The following ROBO2 variants were observed in gnomAD, a reference collection of about 807,000 sequenced individuals.
ROBO2 encodes the protein roundabout homolog 2.
Under a neutral mutation model 160.8 loss-of-function variants are expected in ROBO2, and 53 were observed. The ratio of observed to expected loss-of-function variants is 0.33; its 90% CI spans 0.26 to 0.41. The LOEUF is 0.41. Among genes scored for constraint, ROBO2 ranks in the 10% least tolerant of loss-of-function variants. The pLI is 1.00. For missense variants in ROBO2, 1,577 were observed against 1,722.4 expected, an observed-to-expected ratio of 0.92 and a Z score of 1.49; for synonymous variants, 664 against 611.7, an observed-to-expected ratio of 1.09 and a Z score of -1.26.
rs572127164 is a variant in ROBO2, at chr3:76,873,053, A to T, written c.110-224961A>T. On this transcript the variant is annotated intron_variant, in intron 2 of 26. Transcript: ENST00000487694. ...TACAAAAATAGAAAACAAATCTTAT[A>T]TTTCTAACTCTTACTTGACTAAAAA... 3.3e-4 allele frequency among the ~76,000 whole-genome samples: 50 copies of T among 152,260 alleles called. No individual in the cohort carries two copies. In the South Asian group the frequency reaches 0.01, roughly 31 times the overall value.
At chr3:76,299,325 G>C (rs1331747493) in intron 2 of ROBO2, among the ~76,000 whole-genome samples, 1 of 152,152 alleles carries the variant, frequency 6.6e-6, no homozygotes, top group African/African-American at 2.4e-5. Flanking sequence ...ATAAAAATCT[G>C]AGCAAACCCT....
intron 2 of ROBO2, among the ~76,000 whole-genome samples, chr3:76,609,019 A>G (rs1395484624): frequency 2.6e-5 from 4 of 152,154 alleles, no homozygotes; most frequent in African/African-American, 9.7e-5. Context: ...ACATACAGTA[A>G]TTGATTTTTC....
In ROBO2 at chr3:76,834,704, G is replaced by A. The variant is rs570804419; in HGVS notation, c.110-263310G>A. Among the ~76,000 whole-genome samples, 18 of 152,126 alleles carry A rather than the reference G, an allele frequency of 1.2e-4. 1 individual carries two copies. The highest frequency in any genetic ancestry group is 4.1e-4 in the South Asian group (2 of 4,820). The stretch of plus-strand genomic sequence containing the variant: ...TTTTTGTAGAAACATTGTCTTGCTC[G>A]TTGATCAGGCTGGTCTCTAACCCCT... On this transcript the variant is annotated intron_variant, in intron 2 of 26. Coordinates refer to the ROBO2 transcript ENST00000487694.
chr3:76,894,207 C>A (rs1433009648), intron 2 of ROBO2, among the ~76,000 whole-genome samples: 1 of 152,048 alleles, frequency 6.6e-6, no homozygotes, highest in Non-Finnish European at 1.5e-5. Flanking sequence ...TATTTCAATG[C>A]ATTTTGGATT....
At chr3:76,275,046 A>G (rs1432060539) in intron 2 of ROBO2, among the ~76,000 whole-genome samples, 2 of 152,140 alleles carry the variant, frequency 1.3e-5, no homozygotes, top group South Asian at 2.1e-4. Flanking sequence ...TATAATAAAT[A>G]ACTGCCCCAA....
chr3:76,106,835 A>G (rs1343864745), intron 2 of ROBO2, among the ~76,000 whole-genome samples: 2 of 152,114 alleles, frequency 1.3e-5, no homozygotes, highest in Non-Finnish European at 1.5e-5. Flanking sequence ...TGAATAGGGA[A>G]AATGCTAAGG....
chr3:76,338,875 TAGAA>T (rs2074051366), intron 2 of ROBO2, among the ~76,000 whole-genome samples: 1 of 152,014 alleles, frequency 6.6e-6, no homozygotes, highest in Non-Finnish European at 1.5e-5. Flanking sequence ...GAAAATATTT[TAGAA>T]AGATTCCAAG....
intron 2 of ROBO2, among the ~76,000 whole-genome samples, chr3:76,724,717 T>A (rs1269312544): frequency 2.0e-5 from 3 of 152,116 alleles, no homozygotes; most frequent in Admixed American, 1.3e-4. Flanking sequence ...CCCAAAGATA[T>A]CACACCCTAA....
chr3:76,258,691 G>A (rs1706553995), intron 2 of ROBO2, among the ~76,000 whole-genome samples: 1 of 151,948 alleles, frequency 6.6e-6, no homozygotes. Flanking sequence ...TCTAAAATGT[G>A]TAGCTTATTT....
At chr3:76,397,335 A>G (rs973665282) in intron 2 of ROBO2, among the ~76,000 whole-genome samples, 2 of 152,224 alleles carry the variant, frequency 1.3e-5, no homozygotes, top group Non-Finnish European at 2.9e-5. Context: ...AAGGTGGAAT[A>G]AAGACTTAAA....
At chr3:77,436,703 T>A (rs1319899270) in intron 2 of ROBO2, among the ~76,000 whole-genome samples, 2 of 152,014 alleles carry the variant, frequency 1.3e-5, no homozygotes, top group East Asian at 1.9e-4. Context: ...AATAATAATA[T>A]TTGGAAATCA....
In ROBO2 at chr3:76,794,263, A is replaced by G. The variant is rs114599305; in HGVS notation, c.110-303751A>G. Among the ~76,000 whole-genome samples, 580 of 152,098 alleles carry G rather than the reference A, an allele frequency of 3.8e-3. 6 individuals carry two copies. Among genetic ancestry groups the G allele is most frequent in the African/African-American group, 0.013 (535 of 41,540 alleles). ...TATATTTACGTTCTGGAAATTTTCAATGTCACATTTAACATTAATAACTGA... is the reference window on the plus strand; with the variant it reads ...TATATTTACGTTCTGGAAATTTTCAGTGTCACATTTAACATTAATAACTGA... On this transcript the variant is annotated intron_variant, in intron 2 of 26. Coordinates refer to the ROBO2 transcript ENST00000487694.
intron 2 of ROBO2, among the ~76,000 whole-genome samples, chr3:77,335,840 G>C (rs1343247326): frequency 6.6e-6 from 1 of 152,240 alleles, no homozygotes; most frequent in Non-Finnish European, 1.5e-5. Context: ...CGATAGAAGA[G>C]AGAGATATCC....
intron 2 of ROBO2, among the ~76,000 whole-genome samples, chr3:75,956,426 G>C (rs1030036462): frequency 6.6e-6 from 1 of 151,656 alleles, no homozygotes; most frequent in African/African-American, 2.4e-5. Flanking sequence ...TGTCCTGATG[G>C]CATTCCAAAG....
At chr3:75,971,883 CAG>C (rs2107365429) in intron 2 of ROBO2, among the ~76,000 whole-genome samples, 1 of 151,602 alleles carries the variant, frequency 6.6e-6, no homozygotes, top group Non-Finnish European at 1.5e-5. Context: ...ATTATATAAT[CAG>C]AGTTCCACCT....
intron 23 of ROBO2, among the ~76,000 whole-genome samples, chr3:77,625,534 T>C (rs1461125998): frequency 6.6e-6 from 1 of 152,010 alleles, no homozygotes; most frequent in East Asian, 1.9e-4. Flanking sequence ...CCCACCACCA[T>C]GCCCAGCTGA....
intron 2 of ROBO2, among the ~76,000 whole-genome samples, chr3:77,269,465 T>C (rs930695954): frequency 1.3e-5 from 2 of 152,278 alleles, no homozygotes; most frequent in Non-Finnish European, 1.5e-5. Flanking sequence ...TCTTTTGGAT[T>C]TGGCGTTCCT....
intron 22 of ROBO2, among the ~76,000 whole-genome samples, chr3:77,621,124 A>G (rs1251655181): frequency 6.6e-6 from 1 of 152,160 alleles, no homozygotes; most frequent in African/African-American, 2.4e-5. Context: ...CTTCACTTTA[A>G]TAAATTCTAA....
intron 13 of ROBO2, among the ~76,000 whole-genome samples, chr3:77,571,732 A>G (rs1295147183): frequency 6.6e-6 from 1 of 152,062 alleles, no homozygotes; most frequent in African/African-American, 2.4e-5. Flanking sequence ...TAGAATGTTA[A>G]TAAAACTCGT....
Sources: gnomAD v4.1 joint callset for allele counts (sites outside exome capture counted in the v4.1 genomes callset) on GRCh38, gnomAD v4.1.1 for gene constraint, MANE v1.5 for transcripts, NCBI Gene and HGNC (gene_info 2026-07-23, HGNC 2026-07-21) for gene names.